Variants in FLYWCH1 observed in about 807,000 individuals in gnomAD.
FLYWCH1 encodes the protein FLYWCH-type zinc finger-containing protein 1.
In FLYWCH1, 75 loss-of-function variants were observed where a neutral mutation model predicts 66.4. The observed-to-expected ratio is 1.13, with a 90% CI of 0.94 to 1.37. FLYWCH1 has a LOEUF of 1.37. Ranked by LOEUF, FLYWCH1 falls within the 40% of genes most tolerant of loss-of-function variation. The pLI, the probability that FLYWCH1 is intolerant of heterozygous loss-of-function variation, is 0.00. For missense variants in FLYWCH1, 1,334 were observed against 1,001.8 expected (o/e 1.33, Z -4.48); for synonymous variants, 595 against 429.9 (o/e 1.38, Z -4.75).
rs1484396495 is a variant in FLYWCH1 at position 2,950,141 on chromosome 16, A to C, written c.*1414A>C. On this transcript the variant is annotated 3_prime_UTR_variant, in exon 10 of 10. Transcript: ENST00000253928. ...CTGCGTTACGCCTAGACTCATCTGC[A>C]TAAGCCTGGGCAAGTGGCACCCCTG... 1 of 152,272 alleles carries C rather than the reference A, an allele frequency of 6.6e-6. No individual in the cohort carries two copies. The highest frequency in any genetic ancestry group is 1.5e-5 in the Non-Finnish European group (1 of 68,082). The allele number at this position is 152,272 out of a possible 1,614,324, so 9.4% of individuals were successfully genotyped here.
intron 2 of FLYWCH1, chr16:2,923,312 A>G (rs185028860): frequency 0.013 from 2,547 of 193,758 alleles, 37 homozygotes; most frequent in Non-Finnish European, 0.02. Flanking sequence ...CAGTGGTGCG[A>G]TCTCTGCTCA....
intron 2 of FLYWCH1, among the ~76,000 whole-genome samples, chr16:2,929,410 AAG>A (rs1491226870): frequency 3.5e-5 from 5 of 143,024 alleles, no homozygotes; most frequent in African/African-American, 1.3e-4. Context: ...CAGATGGGGA[AAG>A]TGGGGTTGGA....
chr16:2,934,532 C>T (rs2070915891), intron 6 of FLYWCH1: 5 of 415,068 alleles, frequency 1.2e-5, no homozygotes, highest in African/African-American at 2.1e-5. Context: ...ACCACAGTTG[C>T]GTAAATGTCC....
intron 9 of FLYWCH1, among the ~76,000 whole-genome samples, chr16:2,947,859 C>A (rs1057146674): frequency 2.0e-5 from 3 of 151,530 alleles, no homozygotes; most frequent in Non-Finnish European, 2.9e-5. Context: ...ACAGGGAGAA[C>A]CCCATCTCTA....
chr16:2,926,187 A>G (rs922528680), intron 2 of FLYWCH1, among the ~76,000 whole-genome samples: 4 of 152,242 alleles, frequency 2.6e-5, no homozygotes, highest in Admixed American at 6.5e-5. Flanking sequence ...AAATCTAACT[A>G]TGCTATTTCA....
chr16:2,929,184 C>T (rs1261092534), intron 2 of FLYWCH1, among the ~76,000 whole-genome samples: 1 of 152,222 alleles, frequency 6.6e-6, no homozygotes, highest in Non-Finnish European at 1.5e-5. Context: ...AGCTTCCCGC[C>T]TCTTCAGCCT....
At chr16:2,941,821 G>T (rs1429086004) in intron 9 of FLYWCH1, among the ~76,000 whole-genome samples, 1 of 151,854 alleles carries the variant, frequency 6.6e-6, no homozygotes, top group Admixed American at 6.6e-5. Context: ...ACGGGTTCAA[G>T]ACCAGCCTGA....
At chr16:2,928,116 G>C (rs1419585764) in intron 2 of FLYWCH1, among the ~76,000 whole-genome samples, 1 of 152,224 alleles carries the variant, frequency 6.6e-6, no homozygotes. Context: ...AAGAGTAACA[G>C]AGCAGTATTG....
chr16:2,921,255 TCACCAC>T (rs2070364807), intron 2 of FLYWCH1, among the ~76,000 whole-genome samples: 1 of 151,948 alleles, frequency 6.6e-6, no homozygotes, highest in African/African-American at 2.4e-5. Context: ...TGTCCAAGTA[TCACCAC>T]CATCAATTTT....
chr16:2,916,915 G>A (rs187348054), intron 2 of FLYWCH1, among the ~76,000 whole-genome samples: 1 of 151,524 alleles, frequency 6.6e-6, no homozygotes, highest in African/African-American at 2.4e-5. Context: ...GAGGCCGAGG[G>A]GGGTGGATCA....
Position 2,929,781 on chromosome 16 carries a change from C to T in FLYWCH1, c.96C>T (p.Ala32=). ...CAGGCACGGACGTCATCCCGGCAGCCCCCAGGAAGCCCAGGGAGTTCTCCA... is the reference window on the plus strand; with the variant it reads ...CAGGCACGGACGTCATCCCGGCAGCTCCCAGGAAGCCCAGGGAGTTCTCCA... The part of the protein sequence containing the change: ...PKPGTDVIPA[A]PRKPREFSKL... Residue 32 remains alanine (A), a synonymous_variant, in exon 3 of 10, where the codon GCC becomes GCT. Transcript: ENST00000253928. 6.2e-7 allele frequency: 1 copy of T among 1,613,924 alleles called. No homozygotes were observed. Among genetic ancestry groups the T allele is most frequent in the Non-Finnish European group, 8.5e-7 (1 of 1,179,870 alleles).
At chr16:2,931,305 TAAAAAAAAAAAAAA>T (rs150704073) in intron 4 of FLYWCH1, among the ~76,000 whole-genome samples, 1 of 87,468 alleles carries the variant, frequency 1.1e-5, no homozygotes, top group African/African-American at 4.8e-5. Flanking sequence ...TCCATCTCAG[TAAAAAAAAAAAAAA>T]AAAAAAAAAA....
In FLYWCH1 at chr16:2,948,822, A is replaced by T; in HGVS notation, c.*95A>T. 8.9e-7 allele frequency: 1 copy of T among 1,118,914 alleles called. No homozygotes were observed. Among genetic ancestry groups the T allele is most frequent in the African/African-American group, 1.5e-5 (1 of 64,830 alleles). 69.3% of individuals were successfully genotyped at this position (1,118,914 alleles called of 1,614,324 possible). A position where few individuals can be genotyped will look rare whatever the true frequency, so the allele number is the denominator to read the frequency against. On this transcript the variant is annotated 3_prime_UTR_variant, in exon 10 of 10. Transcript: ENST00000253928. The stretch of plus-strand genomic sequence containing the variant: ...TCCACCTAGGTTTGGCTTAGCAGAA[A>T]CTTCTTTTCATTCTTCCAAAGCATC...
intron 9 of FLYWCH1, among the ~76,000 whole-genome samples, chr16:2,945,932 G>C (rs560433594): frequency 2.2e-4 from 33 of 152,172 alleles, no homozygotes; most frequent in South Asian, 1.0e-3. Context: ...GGGAGGCAGA[G>C]CTTGCAGTGA....
intron 9 of FLYWCH1, among the ~76,000 whole-genome samples, chr16:2,947,338 G>C (rs1037860399): frequency 7.9e-5 from 12 of 152,220 alleles, no homozygotes; most frequent in Non-Finnish European, 1.5e-4. Context: ...TGACACTAAG[G>C]ATTTGGGGTT....
intron 2 of FLYWCH1, among the ~76,000 whole-genome samples, chr16:2,925,585 G>A (rs932538477): frequency 2.9e-5 from 4 of 140,342 alleles, no homozygotes; most frequent in African/African-American, 1.0e-4. Context: ...GGGGGGAGGG[G>A]GGTACGGGGC....
chr16:2,928,133 G>T (rs780247210), intron 2 of FLYWCH1, among the ~76,000 whole-genome samples: 2 of 152,234 alleles, frequency 1.3e-5, no homozygotes, highest in Non-Finnish European at 2.9e-5. Context: ...ATTGCTGCCA[G>T]CGTATCTTGC....
intron 2 of FLYWCH1, among the ~76,000 whole-genome samples, chr16:2,928,586 G>A (rs1243239056): frequency 6.6e-6 from 1 of 152,320 alleles, no homozygotes; most frequent in East Asian, 1.9e-4. Context: ...TGAGCACAGG[G>A]TTGGGGTTAA....
At chr16:2,945,721 G>T (rs2071451931) in intron 9 of FLYWCH1, among the ~76,000 whole-genome samples, 1 of 151,900 alleles carries the variant, frequency 6.6e-6, no homozygotes, top group Non-Finnish European at 1.5e-5. Context: ...ATAGAGGCCG[G>T]GTGCGGTGGC....
Sources: allele counts gnomAD v4.1 joint callset (sites outside exome capture counted in the v4.1 genomes callset), GRCh38; gene constraint gnomAD v4.1.1; transcripts MANE v1.5; gene names NCBI Gene and HGNC (gene_info 2026-07-23, HGNC 2026-07-21).